PRMT8: variants seen among roughly 807,000 people sequenced by gnomAD.
PRMT8 encodes protein arginine N-methyltransferase 8.
PRMT8 carries 7 observed loss-of-function variants against 47.1 expected under a neutral mutation model. The ratio of observed to expected loss-of-function variants is 0.15; its 90% CI spans 0.08 to 0.28. PRMT8 has a LOEUF of 0.28. Ranked by LOEUF, PRMT8 falls within the 10% of genes least tolerant of loss-of-function variation. PRMT8 has a pLI of 1.00. For missense variants in PRMT8, 237 were observed against 505.4 expected, an observed-to-expected ratio of 0.47 and a Z score of 5.09; for synonymous variants, 188 against 186.5, an observed-to-expected ratio of 1.01 and a Z score of -0.07.
chr12:3,515,179 G>T (rs1266188526), intron 1 of PRMT8, among the ~76,000 whole-genome samples: 1 of 152,226 alleles, frequency 6.6e-6, no homozygotes, highest in East Asian at 1.9e-4. Flanking sequence ...TCAGCATAGG[G>T]TCTGGTCAAC....
intron 1 of PRMT8, among the ~76,000 whole-genome samples, chr12:3,473,769 A>G (rs976017677): frequency 6.6e-6 from 1 of 151,642 alleles, no homozygotes; most frequent in Admixed American, 6.6e-5. Flanking sequence ...CAACCACCCA[A>G]TTGGCCAAAT....
chr12:3,466,871 C>T (rs576114050), intron 1 of PRMT8, among the ~76,000 whole-genome samples: 2 of 152,292 alleles, frequency 1.3e-5, no homozygotes, highest in South Asian at 4.1e-4. Context: ...TGGAACCTCT[C>T]AAATGAACAA....
At position 3,581,062 on chromosome 12, in the gene PRMT8, G is replaced by A. The variant is rs538861211; in HGVS notation, c.829-1996G>A. Among the ~76,000 whole-genome samples, 6 of 152,320 alleles carry A rather than the reference G, an allele frequency of 3.9e-5. No individual in the cohort carries two copies. In the South Asian group the frequency reaches 1.2e-3, roughly 32 times the overall value. ...GGGATGTGGTGGAGGAAGGGGCTTG[G>A]CCGACCTAAATGCAAGCTGAACCAG... is the stretch of plus-strand genomic sequence containing the variant. On this transcript the variant is annotated intron_variant, in intron 7 of 9. Transcript: ENST00000382622.
chr12:3,402,201 C>A (rs1864324894), intron 1 of PRMT8, among the ~76,000 whole-genome samples: 1 of 152,184 alleles, frequency 6.6e-6, no homozygotes, highest in African/African-American at 2.4e-5. Flanking sequence ...TGATCTTTTA[C>A]AAACCTGACA....
At position 3,557,691 on chromosome 12, in the gene PRMT8, G is replaced by A. The variant is rs1437257134; in HGVS notation, c.481+3977G>A. On this transcript the variant is annotated intron_variant, in intron 4 of 9. Transcript: ENST00000382622. The surrounding 1 kb of genome is among the most constrained non-coding windows in gnomAD (Gnocchi z 4.7). ...CCCCAACCTGTGAAATAGGGCAGAT[G>A]GTTTTCCCCATTAACAGGTGTGGAA... 2.0e-5 allele frequency among the ~76,000 whole-genome samples: 3 copies of A among 152,172 alleles called. No individual in the cohort carries two copies. Among genetic ancestry groups the A allele is most frequent in the African/African-American group, 7.2e-5 (3 of 41,436 alleles).
At chr12:3,546,465 A>G (rs920701730) in intron 2 of PRMT8, among the ~76,000 whole-genome samples, 4 of 152,196 alleles carry the variant, frequency 2.6e-5, no homozygotes, top group African/African-American at 9.7e-5. Flanking sequence ...AAGAGAAAAC[A>G]CAAATTAAAA....
chr12:3,381,363 G>A, exon 1 of PRMT8: 2 of 1,534,676 alleles, frequency 1.3e-6, no homozygotes, highest in South Asian at 1.2e-5. Context: ...CTGCACCAGG[G>A]AGGCTTGCTG....
At chr12:3,459,742 T>C (rs533579684) in intron 1 of PRMT8, among the ~76,000 whole-genome samples, 1 of 152,232 alleles carries the variant, frequency 6.6e-6, no homozygotes, top group African/African-American at 2.4e-5. Context: ...GCAGCAGTGA[T>C]GGAAGACGCT....
At chr12:3,526,601 G>C (rs1039186323) in intron 1 of PRMT8, among the ~76,000 whole-genome samples, 2 of 152,044 alleles carry the variant, frequency 1.3e-5, no homozygotes, top group East Asian at 1.9e-4. Context: ...GTTTGGATTT[G>C]CATTTCCCTA....
intron 1 of PRMT8, among the ~76,000 whole-genome samples, chr12:3,484,118 T>A (rs1281578978): frequency 6.6e-6 from 1 of 152,192 alleles, no homozygotes; most frequent in South Asian, 2.1e-4. Context: ...CCTGAACTGA[T>A]GGCAGGCTGA....
At chr12:3,544,938 A>G (rs1866302578) in intron 2 of PRMT8, among the ~76,000 whole-genome samples, 2 of 152,192 alleles carry the variant, frequency 1.3e-5, no homozygotes, top group Admixed American at 1.3e-4. Context: ...ACTTCCATCT[A>G]CTAAAGGCAC....
At chr12:3,474,238 C>T (rs1304990511) in intron 1 of PRMT8, among the ~76,000 whole-genome samples, 4 of 152,190 alleles carry the variant, frequency 2.6e-5, no homozygotes, top group Admixed American at 2.6e-4. Flanking sequence ...CTCAGATAGG[C>T]CCAGGTTCAG....
chr12:3,398,073 G>T lies in PRMT8; in HGVS notation c.48+16631G>T, dbSNP rs1219077643. 5.3e-5 allele frequency among the ~76,000 whole-genome samples: 8 copies of T among 152,100 alleles called. No homozygotes were observed. In the East Asian group the frequency reaches 1.2e-3, roughly 22 times the overall value. On this transcript the variant is annotated intron_variant, in intron 1 of 9. Coordinates refer to the PRMT8 transcript ENST00000452611. ...CCTCGCCCTGCTTCGGCTCGCGCACGGTGCGCGCACCCACTGACCTGCGCC... is the reference window on the plus strand; with the variant it reads ...CCTCGCCCTGCTTCGGCTCGCGCACTGTGCGCGCACCCACTGACCTGCGCC...
chr12:3,507,281 C>G (rs897629104), intron 1 of PRMT8, among the ~76,000 whole-genome samples: 2 of 151,980 alleles, frequency 1.3e-5, no homozygotes, highest in Non-Finnish European at 2.9e-5. Flanking sequence ...GCCACTGCGC[C>G]CGGCTAATTT....
intron 1 of PRMT8, among the ~76,000 whole-genome samples, chr12:3,417,351 G>A (rs189894437): frequency 6.6e-6 from 1 of 152,360 alleles, no homozygotes; most frequent in Non-Finnish European, 1.5e-5. Context: ...GATTCTCAGA[G>A]GCTGGGCTCA....
At chr12:3,578,567 C>T (rs1866993044) in intron 7 of PRMT8, among the ~76,000 whole-genome samples, 1 of 152,198 alleles carries the variant, frequency 6.6e-6, no homozygotes, top group Admixed American at 6.5e-5. Context: ...TGAGTCTCAT[C>T]TTGCTAACAT....
intron 1 of PRMT8, among the ~76,000 whole-genome samples, chr12:3,476,138 C>T (rs7964506): frequency 0.76 from 115,307 of 152,046 alleles, 43,991 homozygotes; most frequent in Middle Eastern, 0.86. Context: ...GAGAGCCAGA[C>T]ACTTTCTAGC....
intron 2 of PRMT8, among the ~76,000 whole-genome samples, chr12:3,542,300 C>T (rs1866245669): frequency 6.6e-6 from 1 of 152,172 alleles, no homozygotes; most frequent in Non-Finnish European, 1.5e-5. Flanking sequence ...AAGGTCCTGG[C>T]CCAGGAGGGC....
intron 1 of PRMT8, among the ~76,000 whole-genome samples, chr12:3,396,495 A>G (rs1864249850): frequency 6.6e-6 from 1 of 152,172 alleles, no homozygotes; most frequent in South Asian, 2.1e-4. Flanking sequence ...TGGATATGAA[A>G]TTCTGGGTTG....
Sources: gnomAD v4.1 joint callset for allele counts (sites outside exome capture counted in the v4.1 genomes callset) on GRCh38, gnomAD v4.1.1 for gene constraint, Gnocchi (gnomAD v3.1) non-coding constraint, MANE v1.5 for transcripts, NCBI Gene and HGNC (gene_info 2026-07-23, HGNC 2026-07-21) for gene names.